GPM6A: variants seen among roughly 807,000 people sequenced by gnomAD.
GPM6A encodes the protein neuronal membrane glycoprotein M6-a.
A neutral mutation model predicts 32.1 loss-of-function variants in GPM6A; 7 were observed. The ratio of observed to expected loss-of-function variants is 0.22; its 90% CI spans 0.12 to 0.41. The LOEUF (loss-of-function observed/expected upper bound fraction) is 0.41. Among genes scored for constraint, GPM6A ranks in the 10% least tolerant of loss-of-function variants. The pLI is 1.00. For missense variants in GPM6A, 235 were observed against 347.2 expected (o/e 0.68, Z 2.57); for synonymous variants, 130 against 123.4 (o/e 1.05, Z -0.35).
rs966886240 is a variant in GPM6A, at chr4:175,780,300, G to A, written c.37+31891C>T. Among the ~76,000 whole-genome samples, 5 of 152,010 alleles carry A rather than the reference G, an allele frequency of 3.3e-5. No individual in the cohort carries two copies. The East Asian group carries it at 5.8e-4, about 18-fold the overall frequency. ...TGACCTCAGGTGATCCACCTGCCTC[G>A]GCCTCTCAAAGTGCTGGGATTACAG... is the stretch of plus-strand genomic sequence containing the variant. On this transcript the variant is annotated intron_variant, in intron 1 of 6. Transcript: ENST00000393658.
intron 1 of GPM6A, among the ~76,000 whole-genome samples, chr4:175,733,324 A>T (rs554042203): frequency 1.3e-5 from 2 of 152,190 alleles, no homozygotes; most frequent in East Asian, 3.9e-4. Flanking sequence ...TAACACAGTG[A>T]AATCCTGTCA....
chr4:175,899,110 C>A (rs1737878365), intron 1 of GPM6A, among the ~76,000 whole-genome samples: 1 of 152,122 alleles, frequency 6.6e-6, no homozygotes, highest in Admixed American at 6.5e-5. Context: ...TCCACACCCA[C>A]AGACGAATTA....
intron 2 of GPM6A, among the ~76,000 whole-genome samples, chr4:175,695,489 A>T (rs1744528790): frequency 1.3e-5 from 2 of 152,126 alleles, no homozygotes; most frequent in African/African-American, 4.8e-5. Flanking sequence ...ATTATTATGG[A>T]GCTTTAATAT....
intron 1 of GPM6A, among the ~76,000 whole-genome samples, chr4:175,882,969 T>A (rs1737329840): frequency 6.6e-6 from 1 of 152,068 alleles, no homozygotes; most frequent in Non-Finnish European, 1.5e-5. Flanking sequence ...TTGATGTAAA[T>A]TTTTAAAACT....
At chr4:175,806,865 C>T (rs1734716777) in intron 1 of GPM6A, 1 of 152,104 alleles carries the variant, frequency 6.6e-6, no homozygotes, top group Non-Finnish European at 1.5e-5. Flanking sequence ...TTTCTTTTAG[C>T]CTTGTTATCC....
chr4:175,835,221 A>G (rs904039479), intron 1 of GPM6A, among the ~76,000 whole-genome samples: 9 of 152,190 alleles, frequency 5.9e-5, no homozygotes, highest in African/African-American at 2.2e-4. Context: ...TGAGAATATC[A>G]TACACTAAGA....
intron 1 of GPM6A, among the ~76,000 whole-genome samples, chr4:175,860,754 C>A (rs1038491084): frequency 6.6e-6 from 1 of 152,148 alleles, no homozygotes; most frequent in Non-Finnish European, 1.5e-5. Flanking sequence ...TCCTCCCATG[C>A]AGTGCCTCTA....
intron 1 of GPM6A, among the ~76,000 whole-genome samples, chr4:175,733,359 C>A (rs1257812375): frequency 1.3e-5 from 2 of 151,796 alleles, no homozygotes; most frequent in African/African-American, 4.8e-5. Context: ...AAAAGATTAT[C>A]CAGGCATGGT....
intron 1 of GPM6A, among the ~76,000 whole-genome samples, chr4:175,909,867 A>G (rs1337878933): frequency 6.6e-6 from 1 of 152,198 alleles, no homozygotes; most frequent in Non-Finnish European, 1.5e-5. Flanking sequence ...TGAGAATGAC[A>G]TCAAAATATA....
chr4:175,867,841 A>G (rs1268830893), intron 1 of GPM6A, among the ~76,000 whole-genome samples: 1 of 152,146 alleles, frequency 6.6e-6, no homozygotes, highest in Non-Finnish European at 1.5e-5. Flanking sequence ...CCCCCAGATC[A>G]GTTAGGTTCT....
intron 3 of GPM6A, among the ~76,000 whole-genome samples, chr4:175,668,932 T>A (rs1461125695): frequency 6.6e-6 from 1 of 152,134 alleles, no homozygotes; most frequent in East Asian, 1.9e-4. Context: ...AATCATGAGG[T>A]TAGCGGCATG....
At chr4:175,757,895 T>G (rs1359605162) in intron 1 of GPM6A, among the ~76,000 whole-genome samples, 1 of 152,142 alleles carries the variant, frequency 6.6e-6, no homozygotes, top group East Asian at 1.9e-4. Flanking sequence ...TTTGAACAGA[T>G]TAGCCAAGAA....
intron 1 of GPM6A, among the ~76,000 whole-genome samples, chr4:175,856,188 A>G (rs1560966918): frequency 1.3e-5 from 2 of 152,270 alleles, no homozygotes; most frequent in Admixed American, 1.3e-4. Flanking sequence ...GTAAAAAACT[A>G]AGACAGTCAG....
chr4:175,942,802 CAG>C (rs1739457249), intron 1 of GPM6A, among the ~76,000 whole-genome samples: 1 of 152,136 alleles, frequency 6.6e-6, no homozygotes, highest in African/African-American at 2.4e-5. Flanking sequence ...AGTTTGAAGT[CAG>C]GTAGCGTGAT....
chr4:175,784,735 G>A (rs1026511832), intron 1 of GPM6A, among the ~76,000 whole-genome samples: 2 of 152,096 alleles, frequency 1.3e-5, no homozygotes, highest in African/African-American at 4.8e-5. Flanking sequence ...GTATGTGTGT[G>A]TGTGTGTTTG....
At chr4:175,643,833 T>C (rs1466137268) in intron 4 of GPM6A, among the ~76,000 whole-genome samples, 2 of 151,846 alleles carry the variant, frequency 1.3e-5, no homozygotes, top group South Asian at 2.1e-4. Flanking sequence ...AATGGCAGAG[T>C]GTAACTGATA....
At chr4:175,680,704 C>T (rs973727540) in intron 2 of GPM6A, among the ~76,000 whole-genome samples, 6 of 152,092 alleles carry the variant, frequency 3.9e-5, no homozygotes, top group South Asian at 4.1e-4. Context: ...CTATCCTGTC[C>T]GTCCTGTTCC....
intron 1 of GPM6A, among the ~76,000 whole-genome samples, chr4:175,930,722 C>A (rs752801730): frequency 1.2e-4 from 18 of 152,012 alleles, no homozygotes; most frequent in Non-Finnish European, 2.2e-4. Flanking sequence ...ATAAAATGAG[C>A]ATTCCTTTCT....
chr4:175,895,075 C>T (rs1737756568), intron 1 of GPM6A, among the ~76,000 whole-genome samples: 1 of 152,098 alleles, frequency 6.6e-6, no homozygotes, highest in South Asian at 2.1e-4. Flanking sequence ...AGTGAGAAAC[C>T]ATGAATCAGT....
Sources: allele counts gnomAD v4.1 joint callset (sites outside exome capture counted in the v4.1 genomes callset), GRCh38; gene constraint gnomAD v4.1.1; transcripts MANE v1.5; gene names NCBI Gene and HGNC (gene_info 2026-07-23, HGNC 2026-07-21).